COLEC11: variants seen among roughly 807,000 people sequenced by gnomAD.
The protein encoded by COLEC11 is collectin-11.
Under a neutral mutation model 27.3 loss-of-function variants are expected in COLEC11, and 20 were observed. The observed-to-expected ratio is 0.73, with a 90% CI of 0.51 to 1.06. The LOEUF is 1.06. Among genes scored for constraint, COLEC11 ranks in the 50% least tolerant of loss-of-function variants. COLEC11 has a pLI of 0.00. For missense variants in COLEC11, 310 were observed against 383.0 expected, an observed-to-expected ratio of 0.81 and a Z score of 1.59; for synonymous variants, 163 against 154.7, an observed-to-expected ratio of 1.05 and a Z score of -0.40.
intron 1 of COLEC11, among the ~76,000 whole-genome samples, chr2:3,601,028 A>C (rs1294301694): frequency 6.6e-6 from 1 of 151,180 alleles, no homozygotes; most frequent in African/African-American, 2.4e-5. Context: ...TGGCCTTTCC[A>C]CTCCTGTGCT....
chr2:3,628,850 A>G (rs1438133064), intron 3 of COLEC11, among the ~76,000 whole-genome samples: 1 of 152,244 alleles, frequency 6.6e-6, no homozygotes, highest in African/African-American at 2.4e-5. Flanking sequence ...TCCAGAGGAC[A>G]GATGGGAGGC....
intron 2 of COLEC11, chr2:3,605,673 G>A: frequency 5.0e-6 from 1 of 198,518 alleles, no homozygotes; most frequent in Non-Finnish European, 1.0e-5. Context: ...CGGTCCGCTT[G>A]GGCCTTCAGC....
intron 2 of COLEC11, 80 bp downstream of exon 2, chr2:3,604,550 C>T: frequency 6.8e-7 from 1 of 1,481,246 alleles, no homozygotes. Flanking sequence ...TGCGCAGTTC[C>T]ACGGAAAAGC....
chr2:3,615,826 CGG>C lies in COLEC11; in HGVS notation c.202+2445_202+2446del, dbSNP rs1290959886. 5.0e-3 allele frequency among the ~76,000 whole-genome samples: 139 copies of C among 27,734 alleles called. 1 individual carries two copies. The highest frequency in any genetic ancestry group is 9.6e-3 in the African/African-American group (129 of 13,464). The allele number at this position is 27,734 out of a possible 152,430, so 18.2% of individuals were successfully genotyped here. A position where few individuals can be genotyped will look rare whatever the true frequency, so the allele number is the denominator to read the frequency against. ...CAGGGGCTGCCCCCCACCTCCCTCCCGGACGCGGCGGCTGGCCGGGCAGGGGC... is the reference window on the plus strand; with the variant it reads ...CAGGGGCTGCCCCCCACCTCCCTCCCACGCGGCGGCTGGCCGGGCAGGGGC... On this transcript the variant is annotated intron_variant, in intron 3 of 6. Transcript: ENST00000349077.
At chr2:3,595,993 G>A (rs770957671) in intron 1 of COLEC11, among the ~76,000 whole-genome samples, 35 of 152,314 alleles carry the variant, frequency 2.3e-4, no homozygotes, top group Non-Finnish European at 3.7e-4. Context: ...TCCATGTACC[G>A]TAGAAGAGAG....
chr2:3,610,453 G>A lies in COLEC11; in HGVS notation c.131-2858G>A, dbSNP rs144916856. 6.5e-3 allele frequency among the ~76,000 whole-genome samples: 984 copies of A among 152,308 alleles called. 11 individuals are homozygous for A. The highest frequency in any genetic ancestry group is 0.023 in the African/African-American group (942 of 41,562). On this transcript the variant is annotated intron_variant, in intron 2 of 6. Transcript: ENST00000349077. ...TGTCTTCTCAGAGTTTTCAGCCAGT[G>A]GGAGAAAGAGCAGACTGCTGTCATG...
chr2:3,608,781 C>T (rs1324463868), intron 2 of COLEC11, among the ~76,000 whole-genome samples: 1 of 152,254 alleles, frequency 6.6e-6, no homozygotes, highest in Non-Finnish European at 1.5e-5. Context: ...GCGGAGGCGA[C>T]GGGGACCGTG....
intron 3 of COLEC11, among the ~76,000 whole-genome samples, chr2:3,630,019 G>A (rs1039473986): frequency 1.3e-5 from 2 of 151,842 alleles, no homozygotes; most frequent in Admixed American, 6.5e-5. Context: ...ATGCATATGT[G>A]TATGTATGTG....
intron 3 of COLEC11, chr2:3,626,061 C>A: frequency 6.2e-7 from 1 of 1,614,086 alleles, no homozygotes; most frequent in Non-Finnish European, 8.5e-7. Flanking sequence ...AAAGGAAGTG[C>A]ACCTCGTCCT....
chr2:3,623,929 C>A (rs187786871), intron 3 of COLEC11, among the ~76,000 whole-genome samples: 2 of 152,336 alleles, frequency 1.3e-5, no homozygotes, highest in Admixed American at 1.3e-4. Flanking sequence ...CAAAAGCAGT[C>A]ACCTCCTCTA....
chr2:3,602,334 A>G lies in COLEC11; in HGVS notation c.-26-1981A>G, dbSNP rs1039423011. Among the ~76,000 whole-genome samples the G allele has an allele frequency of 6.6e-6, 1 of 152,114 alleles. No homozygotes were observed. The highest frequency in any genetic ancestry group is 1.5e-5 in the Non-Finnish European group (1 of 68,020). ...GAGTCTATAGTGTCTCAGACTCGGAAAGTTGAACCCGAGCCCCTGACTTCA... is the reference window on the plus strand; with the variant it reads ...GAGTCTATAGTGTCTCAGACTCGGAGAGTTGAACCCGAGCCCCTGACTTCA... On this transcript the variant is annotated intron_variant, in intron 1 of 6. Coordinates refer to ENST00000349077, the MANE Select transcript of COLEC11 (RefSeq NM_024027.5). The surrounding 1 kb of genome is among the most constrained non-coding windows in gnomAD (Gnocchi z 6.2).
At chr2:3,618,950 AT>A (rs1035469532) in intron 3 of COLEC11, among the ~76,000 whole-genome samples, 67 of 152,038 alleles carry the variant, frequency 4.4e-4, no homozygotes, top group Non-Finnish European at 8.1e-4. Flanking sequence ...TGTTTCCTTA[AT>A]TTTTTTCAGG....
intron 3 of COLEC11, among the ~76,000 whole-genome samples, chr2:3,616,034 C>T (rs1171736431): frequency 5.3e-5 from 8 of 149,546 alleles, no homozygotes; most frequent in Admixed American, 5.3e-4. Context: ...GGCTCCTCAC[C>T]TCTGAGGCGG....
chr2:3,639,752 A>C (rs1446038289), intron 4 of COLEC11, among the ~76,000 whole-genome samples: 1 of 137,398 alleles, frequency 7.3e-6, no homozygotes, highest in Non-Finnish European at 1.5e-5. Flanking sequence ...GGTCCAGGCC[A>C]GGATGGAGCC....
chr2:3,640,224 C>A, intron 4 of COLEC11, 54 bp from the exon 5 acceptor site: 2 of 1,047,152 alleles, frequency 1.9e-6, no homozygotes, highest in Non-Finnish European at 3.0e-6. Context: ...GTTTTTAACA[C>A]ATAGAACATG....
intron 3 of COLEC11, among the ~76,000 whole-genome samples, chr2:3,629,944 G>A (rs188140366): frequency 1.6e-4 from 24 of 152,294 alleles, no homozygotes; most frequent in Admixed American, 1.4e-3. Context: ...ACATATATAC[G>A]ATGTGCAGTT....
At chr2:3,633,492 G>A (rs1410910480) in intron 3 of COLEC11, among the ~76,000 whole-genome samples, 1 of 152,174 alleles carries the variant, frequency 6.6e-6, no homozygotes, top group Non-Finnish European at 1.5e-5. Flanking sequence ...AGAAGTGTGG[G>A]ACCCAGTCCC....
intron 3 of COLEC11, chr2:3,625,864 C>T (rs1267003143): frequency 5.6e-6 from 4 of 718,750 alleles, no homozygotes; most frequent in African/African-American, 3.4e-5. Flanking sequence ...AACTCCTGAC[C>T]TCAAGAGATC....
chr2:3,629,946 T>A (rs149321672), intron 3 of COLEC11, among the ~76,000 whole-genome samples: 191 of 152,378 alleles, frequency 1.3e-3, no homozygotes, highest in African/African-American at 4.3e-3. Flanking sequence ...ATATATACGA[T>A]GTGCAGTTAC....
Sources: gnomAD v4.1 joint callset for allele counts (sites outside exome capture counted in the v4.1 genomes callset) on GRCh38, gnomAD v4.1.1 for gene constraint, Gnocchi (gnomAD v3.1) non-coding constraint, MANE v1.5 for transcripts, NCBI Gene and HGNC (gene_info 2026-07-23, HGNC 2026-07-21) for gene names.